Variants in NRXN1 observed in about 807,000 individuals in gnomAD.
NRXN1 encodes neurexin-1.
In NRXN1, 39 loss-of-function variants were observed where a neutral mutation model predicts 150.9. The ratio of observed to expected loss-of-function variants is 0.26; its 90% CI spans 0.20 to 0.34. NRXN1 has a LOEUF of 0.34. Among genes scored for constraint, NRXN1 ranks in the 10% least tolerant of loss-of-function variants. The probability of loss-of-function intolerance (pLI) is 1.00; values close to 1 mark genes in which losing one functional copy is unlikely to be tolerated. For synonymous variants in NRXN1, 924 were observed against 757.0 expected (o/e 1.22, Z -3.62); for missense variants, 1,815 against 1,949.9 (o/e 0.93, Z 1.30).
At chr2:50,681,441 G>C (rs915440714) in intron 5 of NRXN1, among the ~76,000 whole-genome samples, 2 of 152,158 alleles carry the variant, frequency 1.3e-5, no homozygotes, top group African/African-American at 4.8e-5. Flanking sequence ...CATGAGCTGA[G>C]TAGCCCATTC....
intron 17 of NRXN1, among the ~76,000 whole-genome samples, chr2:50,373,630 G>C (rs998649420): frequency 5.3e-5 from 2 of 37,866 alleles, no homozygotes; most frequent in African/African-American, 8.3e-5. Context: ...AGAAAGAAAA[G>C]AAAGAAAGAA....
chr2:50,672,875 G>A (rs1300439144), intron 5 of NRXN1, among the ~76,000 whole-genome samples: 1 of 152,030 alleles, frequency 6.6e-6, no homozygotes, highest in African/African-American at 2.4e-5. Context: ...ATGCTTTTGT[G>A]TGCACCACTA....
At chr2:50,361,381 GA>G (rs2079175276) in intron 17 of NRXN1, among the ~76,000 whole-genome samples, 1 of 151,972 alleles carries the variant, frequency 6.6e-6, no homozygotes, top group Admixed American at 6.6e-5. Flanking sequence ...CTATATATAA[GA>G]AAAGAGAGAA....
intron 2 of NRXN1, among the ~76,000 whole-genome samples, chr2:51,002,514 T>C (rs1700200136): frequency 6.6e-6 from 1 of 151,940 alleles, no homozygotes; most frequent in Admixed American, 6.6e-5. Context: ...AAAATGACTT[T>C]CCGTAAGAAA....
chr2:50,831,132 A>G (rs1176582958), intron 5 of NRXN1, among the ~76,000 whole-genome samples: 8 of 152,210 alleles, frequency 5.3e-5, no homozygotes, highest in Admixed American at 5.2e-4. Flanking sequence ...TAAATGTACA[A>G]TTAAGTTATT....
chr2:50,548,010 A>G (rs1202784587), intron 9 of NRXN1: 1 of 152,214 alleles, frequency 6.6e-6, no homozygotes, highest in Non-Finnish European at 1.5e-5. Context: ...AAGTTTTAGA[A>G]AATTACACAT....
At chr2:50,003,867 G>GAC (rs1160362467) in intron 21 of NRXN1, among the ~76,000 whole-genome samples, 2 of 152,086 alleles carry the variant, frequency 1.3e-5, no homozygotes, top group African/African-American at 2.4e-5. Context: ...TGTCATTCCA[G>GAC]ATAGAAATAT....
At chr2:50,541,508 G>C (rs2093388024) in intron 9 of NRXN1, among the ~76,000 whole-genome samples, 1 of 152,126 alleles carries the variant, frequency 6.6e-6, no homozygotes, top group African/African-American at 2.4e-5. Context: ...TTTATTTATG[G>C]TGTGTTAGTG....
At chr2:50,682,020 A>T (rs960367924) in intron 5 of NRXN1, among the ~76,000 whole-genome samples, 9 of 152,216 alleles carry the variant, frequency 5.9e-5, no homozygotes, top group Non-Finnish European at 1.2e-4. Flanking sequence ...GATGGTACAG[A>T]AAACATAAAT....
chr2:51,010,743 G>A (rs1048572471), intron 2 of NRXN1, among the ~76,000 whole-genome samples: 2 of 151,222 alleles, frequency 1.3e-5, no homozygotes, highest in African/African-American at 4.9e-5. Context: ...GCATAAGAGT[G>A]TCTACGTTGC....
chr2:50,995,313 G>A (rs992621693), intron 2 of NRXN1, among the ~76,000 whole-genome samples: 1 of 151,964 alleles, frequency 6.6e-6, no homozygotes, highest in African/African-American at 2.4e-5. Context: ...CAGGAACTCA[G>A]AGGACCAAAC....
intron 2 of NRXN1, among the ~76,000 whole-genome samples, chr2:50,931,414 G>A (rs1035359536): frequency 1.3e-5 from 2 of 151,990 alleles, no homozygotes; most frequent in Non-Finnish European, 2.9e-5. Flanking sequence ...GGAGTCTTAA[G>A]TTTGATGCTT....
chr2:50,102,911 A>C (rs1324408077), intron 18 of NRXN1, among the ~76,000 whole-genome samples: 1 of 152,100 alleles, frequency 6.6e-6, no homozygotes, highest in Non-Finnish European at 1.5e-5. Flanking sequence ...TATAAGATAT[A>C]AAACTAGGTT....
intron 5 of NRXN1, chr2:50,913,086 C>G (rs1361485523): frequency 6.6e-6 from 1 of 151,816 alleles, no homozygotes; most frequent in Non-Finnish European, 1.5e-5. Flanking sequence ...CGCATTTCTG[C>G]TGACTGCCAG....
intron 8 of NRXN1, among the ~76,000 whole-genome samples, chr2:50,606,803 T>A (rs1269410016): frequency 6.6e-6 from 1 of 152,076 alleles, no homozygotes. Context: ...AATTTGAGGA[T>A]CAGAAGTAAT....
chr2:50,649,936 T>C (rs548064800), intron 5 of NRXN1, among the ~76,000 whole-genome samples: 109 of 152,136 alleles, frequency 7.2e-4, no homozygotes, highest in African/African-American at 2.5e-3. Context: ...ATTCTCACTG[T>C]CTAATAGCCA....
chr2:50,662,376 A>G (rs1687420460), intron 5 of NRXN1, among the ~76,000 whole-genome samples: 1 of 152,020 alleles, frequency 6.6e-6, no homozygotes, highest in Admixed American at 6.6e-5. Context: ...AATTCTAGCC[A>G]AGTATGAATG....
intron 5 of NRXN1, among the ~76,000 whole-genome samples, chr2:50,786,529 C>G (rs1219283185): frequency 6.6e-6 from 1 of 152,100 alleles, no homozygotes; most frequent in African/African-American, 2.4e-5. Flanking sequence ...TTCTTTATCT[C>G]TAAGCCATTA....
In NRXN1 at chr2:50,967,650, A is replaced by C. The variant is rs75396173; in HGVS notation, c.773-41695T>G. Among the ~76,000 whole-genome samples, 1,141 of 152,092 alleles carry C rather than the reference A, an allele frequency of 7.5e-3. 15 individuals are homozygous for C. Among genetic ancestry groups the C allele is most frequent in the African/African-American group, 0.026 (1,062 of 41,532 alleles). On this transcript the variant is annotated intron_variant, in intron 2 of 22. Transcript: ENST00000401669. The stretch of plus-strand genomic sequence containing the variant: ...ATTATTTACCTTAAACTAAGTACTA[A>C]ATGGGAAGAGAGGGCAAAAGGCTGT...
Sources: allele counts gnomAD v4.1 joint callset (sites outside exome capture counted in the v4.1 genomes callset), GRCh38; gene constraint gnomAD v4.1.1; transcripts MANE v1.5; gene names NCBI Gene and HGNC (gene_info 2026-07-23, HGNC 2026-07-21).